AHDC1: variants seen among roughly 807,000 people sequenced by gnomAD.
AHDC1 encodes transcription factor Gibbin.
A neutral mutation model predicts 87.9 loss-of-function variants in AHDC1; 7 were observed. That is an observed-to-expected ratio of 0.08 (90% CI 0.05 to 0.15). AHDC1 has a LOEUF of 0.15. Ranked by LOEUF, AHDC1 falls within the 10% of genes least tolerant of loss-of-function variation. The pLI, the probability that AHDC1 is intolerant of heterozygous loss-of-function variation, is 1.00. For missense variants in AHDC1, 1,841 were observed against 2,253.2 expected (o/e 0.82, Z 3.70); for synonymous variants, 1,051 against 1,006.8 (o/e 1.04, Z -0.83).
rs1401386331 is a variant in AHDC1, at chr1:27,563,413, C to T, written c.-628-4530G>A. ...CCAGGTGTGAGGAAGGCATGGACCC[C>T]TCCACCCACCACACAGCATGAGGCA... On this transcript the variant is annotated intron_variant, in intron 3 of 8. Transcript: ENST00000673934. This position sits in a 1 kb window ranked among gnomAD's most constrained non-coding sequence, Gnocchi z 6.1. Among the ~76,000 whole-genome samples the T allele has an allele frequency of 6.6e-6, 1 of 152,190 alleles. No individual in the cohort carries two copies.
intron 3 of AHDC1, among the ~76,000 whole-genome samples, chr1:27,566,776 A>G (rs2020338690): frequency 7.7e-6 from 1 of 130,522 alleles, no homozygotes; most frequent in South Asian, 2.6e-4. Context: ...TCACAGATGC[A>G]TCGGCTCTGG....
In AHDC1 at chr1:27,558,624, T is replaced by A. The variant is rs2019931537; in HGVS notation, c.-451+82A>T. On this transcript the variant is annotated intron_variant, in intron 4 of 8. Transcript: ENST00000673934. This position sits in a 1 kb window ranked among gnomAD's most constrained non-coding sequence, Gnocchi z 5.6. Reference sequence around the variant, plus strand: ...ACCTAAGCTGGGAGGGGATCCCTGTTGGGACTGGGAGGCAAGTTCCCCTGA... The same window carrying A: ...ACCTAAGCTGGGAGGGGATCCCTGTAGGGACTGGGAGGCAAGTTCCCCTGA... The A allele has an allele frequency of 2.5e-6, 1 of 397,902 alleles. No individual in the cohort carries two copies. Among genetic ancestry groups the A allele is most frequent in the Non-Finnish European group, 4.4e-6 (1 of 226,022 alleles). The allele number at this position is 397,902 out of a possible 1,614,324, so 24.6% of individuals were successfully genotyped here. A position where few individuals can be genotyped will look rare whatever the true frequency, so the allele number is the denominator to read the frequency against.
chr1:27,549,591 G>A lies in AHDC1; in HGVS notation c.2525C>T (p.Ser842Leu), dbSNP rs745569528. 1.2e-6 allele frequency: 2 copies of A among 1,613,162 alleles called. No homozygotes were observed. Among genetic ancestry groups the A allele is most frequent in the East Asian group, 2.2e-5 (1 of 44,882 alleles). ...GGAGGAGTCATCCGAATCGAGCAGCGAGCGAAAGTAGCCGGTGAAGAGGTT... is the reference window on the plus strand; with the variant it reads ...GGAGGAGTCATCCGAATCGAGCAGCAAGCGAAAGTAGCCGGTGAAGAGGTT... ...RQNLFTGYFR[S>L]LLDSDDSSDL... Residue 842 changes from serine (S) to leucine (L), a missense_variant, in exon 8 of 9, where the codon TCG (serine) becomes TTG (leucine). This residue lies in a region of AHDC1 where 8 missense variants were observed against 28.5 expected (regional missense o/e 0.28). Coordinates refer to ENST00000673934, the MANE Select transcript of AHDC1 (RefSeq NM_001371928.1).
chr1:27,553,217 G>A (rs1557671235), intron 5 of AHDC1, 32 bp from the exon 6 acceptor site: 1 of 152,620 alleles, frequency 6.6e-6, no homozygotes, highest in African/African-American at 2.4e-5. Flanking sequence ...CAGGTTTAGT[G>A]AGCACCTACT....
Position 27,549,206 on chromosome 1 carries a change from C to G in AHDC1, c.2910G>C (p.Gln970His). 6.2e-7 allele frequency: 1 copy of G among 1,600,678 alleles called. No homozygotes were observed. Among genetic ancestry groups the G allele is most frequent in the Admixed American group, 1.7e-5 (1 of 59,642 alleles). Residue 970 changes from glutamine to histidine, a missense_variant, in exon 8 of 9, where the codon CAG (glutamine) becomes CAC (histidine). Gln to His is a conservative substitution (Grantham distance 24). This residue lies in a region of AHDC1 where 378 missense variants were observed against 399.0 expected (regional missense o/e 0.95). Coordinates refer to ENST00000673934, the MANE Select transcript of AHDC1 (RefSeq NM_001371928.1). ...TTTGTCCGGCCCCATAGCCGCCGTA[C>G]TGGGGCAGGTAGGTGTTGGCAGGCG... is the stretch of plus-strand genomic sequence containing the variant. ...THPPANTYLP[Q>H]YGGYGAGQSV...
intron 3 of AHDC1, among the ~76,000 whole-genome samples, chr1:27,587,643 A>G (rs1006333722): frequency 3.3e-5 from 5 of 152,266 alleles, no homozygotes; most frequent in African/African-American, 1.2e-4. Context: ...TCTGTAGACT[A>G]AGAAAAGAGT....
chr1:27,594,507 A>G (rs74060542), intron 3 of AHDC1, among the ~76,000 whole-genome samples: 12,764 of 152,250 alleles, frequency 0.084, 1,403 homozygotes, highest in African/African-American at 0.26. Flanking sequence ...CACCCCAAAG[A>G]GGCCCCAAAC....
rs1009975078 is a variant in AHDC1, at chr1:27,593,770, G to T, written c.-629+9627C>A. Among the ~76,000 whole-genome samples the T allele has an allele frequency of 6.6e-6, 1 of 152,200 alleles. No homozygotes were observed. Among genetic ancestry groups the T allele is most frequent in the Non-Finnish European group, 1.5e-5 (1 of 68,032 alleles). ...ACAGCTGGGCTAAGCCAGTGCCTGCGGCTCCCCAGGGCACAAGAGGCAGGC... is the reference window on the plus strand; with the variant it reads ...ACAGCTGGGCTAAGCCAGTGCCTGCTGCTCCCCAGGGCACAAGAGGCAGGC... On this transcript the variant is annotated intron_variant, in intron 3 of 8. Transcript: ENST00000673934. The surrounding 1 kb of genome is among the most constrained non-coding windows in gnomAD (Gnocchi z 4.9).
At chr1:27,575,418 G>A (rs534824763) in intron 3 of AHDC1, among the ~76,000 whole-genome samples, 1 of 152,158 alleles carries the variant, frequency 6.6e-6, no homozygotes, top group African/African-American at 2.4e-5. Flanking sequence ...GAGGAGGCGA[G>A]GGGTGCTCTC....
At chr1:27,566,622 T>C (rs1377161573) in intron 3 of AHDC1, among the ~76,000 whole-genome samples, 1 of 121,872 alleles carries the variant, frequency 8.2e-6, no homozygotes, top group Admixed American at 1.0e-4. Flanking sequence ...GGGGTGACAC[T>C]ACTAAGTGTT....
chr1:27,571,612 G>C (rs142680991), intron 3 of AHDC1, among the ~76,000 whole-genome samples: 231 of 152,140 alleles, frequency 1.5e-3, no homozygotes, highest in African/African-American at 5.1e-3. Flanking sequence ...AGCCAAGGAG[G>C]GGGGGGTGGC....
At chr1:27,557,204 C>T (rs1019739099) in intron 5 of AHDC1, among the ~76,000 whole-genome samples, 5 of 151,648 alleles carry the variant, frequency 3.3e-5, no homozygotes, top group East Asian at 2.0e-4. Flanking sequence ...GTCACCCTGC[C>T]GGCGGCCCTC....
chr1:27,545,653 T>G (rs1029664176), intron 8 of AHDC1, among the ~76,000 whole-genome samples: 1 of 151,944 alleles, frequency 6.6e-6, no homozygotes, highest in African/African-American at 2.4e-5. Context: ...CTGCTTCAGA[T>G]CTGAGGCTCT....
intron 3 of AHDC1, among the ~76,000 whole-genome samples, chr1:27,592,679 C>T (rs1408268274): frequency 6.6e-6 from 1 of 152,092 alleles, no homozygotes; most frequent in Non-Finnish European, 1.5e-5. Context: ...TGGCCTTGAC[C>T]ACCCTTGCAC....
chr1:27,539,807 C>T (rs1352431375), intron 8 of AHDC1, among the ~76,000 whole-genome samples: 1 of 152,192 alleles, frequency 6.6e-6, no homozygotes, highest in African/African-American at 2.4e-5. Context: ...CTAGCTCTGC[C>T]AGCCATTCCC....
chr1:27,584,606 G>C (rs2088995493), intron 3 of AHDC1, among the ~76,000 whole-genome samples: 1 of 152,116 alleles, frequency 6.6e-6, no homozygotes, highest in South Asian at 2.1e-4. Context: ...GCTCTCTGAG[G>C]CCAACCCTTC....
At position 27,551,041 on chromosome 1, in the gene AHDC1, G is replaced by A; in HGVS notation, c.1075C>T (p.Leu359=). The A allele has an allele frequency of 1.9e-6, 3 of 1,558,638 alleles. 1 individual carries two copies. Among genetic ancestry groups the A allele is most frequent in the Non-Finnish European group, 1.7e-6 (2 of 1,155,538 alleles). ...AAGTCCAGGCGCAAGGGCTCGGCCA[G>A]TGGGCAGTGCCCCAGGGGCTGCTGG... ...EPQQPLGHCP[L]AEPLRLDLCS... Residue 359 remains leucine (L), a synonymous_variant, in exon 8 of 9, where the codon CTG becomes TTG. Coordinates refer to ENST00000673934, the MANE Select transcript of AHDC1 (RefSeq NM_001371928.1).
chr1:27,557,807 C>A (rs1455035199), intron 5 of AHDC1, among the ~76,000 whole-genome samples: 1 of 152,218 alleles, frequency 6.6e-6, no homozygotes, highest in Non-Finnish European at 1.5e-5. Context: ...ATTCATACTT[C>A]CGGGTACCAC....
At chr1:27,575,729 G>A (rs2088708070) in intron 3 of AHDC1, among the ~76,000 whole-genome samples, 1 of 151,762 alleles carries the variant, frequency 6.6e-6, no homozygotes, top group South Asian at 2.1e-4. Context: ...GCCGGGCGGG[G>A]GCCAAGCCGG....
Sources: gnomAD v4.1 joint callset for allele counts (sites outside exome capture counted in the v4.1 genomes callset) on GRCh38, gnomAD v4.1.1 for gene constraint, gnomAD v4.1.1 regional missense constraint, Gnocchi (gnomAD v3.1) non-coding constraint, MANE v1.5 for transcripts, NCBI Gene and HGNC (gene_info 2026-07-23, HGNC 2026-07-21) for gene names.